The following IQGAP2 variants were observed in gnomAD, a reference collection of about 807,000 sequenced individuals.
The protein encoded by IQGAP2 is IQ motif containing GTPase activating protein 2, also known as ras GTPase-activating-like protein IQGAP2.
IQGAP2 carries 173 observed loss-of-function variants against 201.3 expected under a neutral mutation model. That is an observed-to-expected ratio of 0.86 (90% CI 0.76 to 0.98). The LOEUF is 0.98. IQGAP2 is among the 50% of genes least tolerant of loss of function. The pLI is 0.00. For synonymous variants in IQGAP2, 675 were observed against 673.9 expected (o/e 1.00, Z -0.03); for missense variants, 1,687 against 1,864.8 (o/e 0.90, Z 1.76).
At chr5:76,425,618 C>T (rs1751951571) in intron 1 of IQGAP2, among the ~76,000 whole-genome samples, 1 of 151,862 alleles carries the variant, frequency 6.6e-6, no homozygotes, top group African/African-American at 2.4e-5. Context: ...CCCAGAGAGA[C>T]TTGTAAGTAT....
At chr5:76,619,593 T>A (rs1355514091) in intron 13 of IQGAP2, among the ~76,000 whole-genome samples, 1 of 148,950 alleles carries the variant, frequency 6.7e-6, no homozygotes, top group Admixed American at 6.8e-5. Flanking sequence ...CTCAGCTCAC[T>A]GCAACCTCCG....
Position 76,592,938 on chromosome 5 carries a change from T to G in IQGAP2, c.907+13T>G, listed in dbSNP as rs370126605. 1.3e-6 allele frequency: 2 copies of G among 1,528,560 alleles called. No homozygotes were observed. Among genetic ancestry groups the G allele is most frequent in the Non-Finnish European group, 1.8e-6 (2 of 1,103,354 alleles). The allele number at this position is 1,528,560 out of a possible 1,614,324, so 94.7% of individuals were successfully genotyped here. Reference sequence around the variant, plus strand: ...AATAAAGTCAACAGTAAGTAATGGATCGTATGAAGGAAATTGATATTTCCG... The same window carrying G: ...AATAAAGTCAACAGTAAGTAATGGAGCGTATGAAGGAAATTGATATTTCCG... On this transcript the variant is annotated intron_variant, in intron 9 of 35. Transcript: ENST00000274364.
At chr5:76,579,537 T>A (rs1299992004) in intron 5 of IQGAP2, among the ~76,000 whole-genome samples, 2 of 150,042 alleles carry the variant, frequency 1.3e-5, no homozygotes, top group African/African-American at 4.9e-5. Flanking sequence ...CCCTTCCCCA[T>A]TACCCTGAAA....
chr5:76,619,970 A>AT (rs1364490142), intron 13 of IQGAP2, among the ~76,000 whole-genome samples: 1 of 152,138 alleles, frequency 6.6e-6, no homozygotes, highest in African/African-American at 2.4e-5. Context: ...AAAGGGTCAT[A>AT]ACCCAAGGAA....
intron 35 of IQGAP2, among the ~76,000 whole-genome samples, chr5:76,706,971 TCTATG>T (rs1229028088): frequency 6.6e-6 from 1 of 152,192 alleles, no homozygotes; most frequent in Non-Finnish European, 1.5e-5. Flanking sequence ...AGAACCCCCA[TCTATG>T]GCCTGGTGCC....
intron 21 of IQGAP2, among the ~76,000 whole-genome samples, chr5:76,661,882 C>T (rs1743281922): frequency 6.6e-6 from 1 of 152,174 alleles, no homozygotes; most frequent in South Asian, 2.1e-4. Context: ...TACCTGCATG[C>T]AGATATCCCT....
intron 21 of IQGAP2, chr5:76,660,062 G>A (rs1743117516): frequency 6.6e-6 from 1 of 152,002 alleles, no homozygotes; most frequent in Non-Finnish European, 1.5e-5. Flanking sequence ...GAGGGAAACT[G>A]ATCTTCTGGA....
At chr5:76,486,185 C>G (rs1332616383) in intron 2 of IQGAP2, among the ~76,000 whole-genome samples, 1 of 152,116 alleles carries the variant, frequency 6.6e-6, no homozygotes, top group Non-Finnish European at 1.5e-5. Flanking sequence ...TCAGCTGAAC[C>G]TTCATGAAGA....
At chr5:76,614,356 C>T (rs1013008612) in intron 13 of IQGAP2, among the ~76,000 whole-genome samples, 3 of 152,072 alleles carry the variant, frequency 2.0e-5, no homozygotes, top group Admixed American at 6.6e-5. Context: ...CTAGTTCAGG[C>T]GTTAAACCAC....
At chr5:76,526,159 A>G (rs370045727) in intron 2 of IQGAP2, among the ~76,000 whole-genome samples, 2 of 152,178 alleles carry the variant, frequency 1.3e-5, no homozygotes, top group South Asian at 2.1e-4. Context: ...CAAAAAGTCT[A>G]TTTCCTCATT....
chr5:76,435,152 G>A (rs1044572995), intron 1 of IQGAP2, among the ~76,000 whole-genome samples: 1 of 151,804 alleles, frequency 6.6e-6, no homozygotes, highest in Non-Finnish European at 1.5e-5. Flanking sequence ...CATTCTGTGG[G>A]TTATCTGTTT....
Position 76,668,828 on chromosome 5 carries a change from C to G in IQGAP2, c.2827C>G (p.Leu943Val). The G allele has an allele frequency of 1.3e-6, 2 of 1,593,590 alleles. No individual in the cohort carries two copies. The highest frequency in any genetic ancestry group is 1.7e-6 in the Non-Finnish European group (2 of 1,169,866). The part of the protein sequence containing the change: ...YLLLKLFKTA[L>V]EEEIKSKVDQ... ...ACTTCTCAAGCTTTTTAAAACTGCTCTGGAGGAAGAAATAAAGTATGTATA... is the reference window on the plus strand; with the variant it reads ...ACTTCTCAAGCTTTTTAAAACTGCTGTGGAGGAAGAAATAAAGTATGTATA... The change falls in exon 23 of 36, where the codon CTG (leucine) becomes GTG (valine). Residue 943 changes from leucine (L) to valine (V), a missense_variant. By Grantham distance (32) the Leu-to-Val change is conservative. Coordinates refer to ENST00000274364, the MANE Select transcript of IQGAP2 (RefSeq NM_006633.5).
At chr5:76,621,062 C>T (rs2069698) in intron 13 of IQGAP2, among the ~76,000 whole-genome samples, 5,726 of 152,248 alleles carry the variant, frequency 0.038, 245 homozygotes, top group East Asian at 0.19. Context: ...TCATTCTTAT[C>T]GATTTAAAAT....
chr5:76,501,335 G>T (rs142839619), intron 2 of IQGAP2, among the ~76,000 whole-genome samples: 6 of 152,018 alleles, frequency 3.9e-5, no homozygotes, highest in African/African-American at 1.2e-4. Context: ...AAGCTGAGGT[G>T]GGGGGGCATC....
Position 76,671,752 on chromosome 5 carries a change from T to G in IQGAP2, c.2844-7T>G. On this transcript the variant is annotated splice_polypyrimidine_tract_variant and splice_region_variant and intron_variant, in intron 23 of 35. Coordinates refer to ENST00000274364, the MANE Select transcript of IQGAP2 (RefSeq NM_006633.5). ...AAACCATTTTGTTTTGTCTTGGGCT[T>G]TTTTAGATCAAAAGTGGACCAGGTA... The G allele has an allele frequency of 6.2e-7, 1 of 1,606,252 alleles. No individual in the cohort carries two copies. The highest frequency in any genetic ancestry group is 8.5e-7 in the Non-Finnish European group (1 of 1,174,096).
intron 5 of IQGAP2, among the ~76,000 whole-genome samples, chr5:76,580,862 C>T (rs1177634680): frequency 5.9e-5 from 9 of 152,184 alleles, no homozygotes; most frequent in Admixed American, 5.9e-4. Context: ...TCTTAAAAGT[C>T]ATGTGTTTAT....
In IQGAP2 at chr5:76,702,557, T is replaced by C. The variant is rs1747498969; in HGVS notation, c.4581T>C (p.Gly1527=). 2 of 1,592,566 alleles carry C rather than the reference T, an allele frequency of 1.3e-6. No individual in the cohort carries two copies. The highest frequency in any genetic ancestry group is 1.7e-6 in the Non-Finnish European group (2 of 1,160,364). The change falls in exon 35 of 36, where the codon GGT becomes GGC. Residue 1527 remains glycine, a synonymous_variant. Transcript: ENST00000274364. ...TCGATGTAAGATCAAAATTCCTTGG[T>C]GTTGAGATGGAAAAGGTGCAACTCA... The part of the protein sequence containing the change: ...GIFDVRSKFL[G]VEMEKVQLNI...
chr5:76,475,629 G>C (rs1351067639), intron 2 of IQGAP2, among the ~76,000 whole-genome samples: 1 of 152,106 alleles, frequency 6.6e-6, no homozygotes, highest in African/African-American at 2.4e-5. Context: ...ATGACATACA[G>C]GTTAATCTCT....
intron 15 of IQGAP2, among the ~76,000 whole-genome samples, chr5:76,636,310 T>C (rs996907369): frequency 2.0e-5 from 3 of 152,232 alleles, no homozygotes; most frequent in African/African-American, 7.2e-5. Context: ...TAAACAGATT[T>C]CTAAATATGA....
Sources: allele counts gnomAD v4.1 joint callset (sites outside exome capture counted in the v4.1 genomes callset), GRCh38; gene constraint gnomAD v4.1.1; transcripts MANE v1.5; gene names NCBI Gene and HGNC (gene_info 2026-07-23, HGNC 2026-07-21).